Variants in BEAN1 observed in about 807,000 individuals in gnomAD.
BEAN1 encodes the protein protein BEAN1.
Under a neutral mutation model 17.7 loss-of-function variants are expected in BEAN1, and 17 were observed. The ratio of observed to expected loss-of-function variants is 0.96; its 90% CI spans 0.66 to 1.44. The LOEUF (loss-of-function observed/expected upper bound fraction) is 1.44, where lower values mean the gene tolerates loss of function less well. Ranked by LOEUF, BEAN1 falls within the 40% of genes most tolerant of loss-of-function variation. The pLI is 0.00. For missense variants in BEAN1, 359 were observed against 374.1 expected, an observed-to-expected ratio of 0.96 and a Z score of 0.33; for synonymous variants, 142 against 151.8, an observed-to-expected ratio of 0.94 and a Z score of 0.47.
intron 4 of BEAN1, among the ~76,000 whole-genome samples, chr16:66,488,340 ATG>A (rs1230332558): frequency 2.0e-5 from 3 of 152,060 alleles, no homozygotes; most frequent in African/African-American, 7.3e-5. Context: ...GGGTCGAAGA[ATG>A]AGAGAAAAAG....
At chr16:66,488,033 G>T (rs1964113095) in intron 4 of BEAN1, among the ~76,000 whole-genome samples, 1 of 152,216 alleles carries the variant, frequency 6.6e-6, no homozygotes, top group Admixed American at 6.5e-5. Flanking sequence ...GAGAGGGCAG[G>T]GAAGGGGTGA....
intron 1 of BEAN1, among the ~76,000 whole-genome samples, chr16:66,429,957 G>A (rs1233081671): frequency 6.6e-6 from 1 of 152,190 alleles, no homozygotes; most frequent in African/African-American, 2.4e-5. Flanking sequence ...GTACTCAGAG[G>A]ATAGGGTGAG....
Position 66,473,166 on chromosome 16 carries a change from G to A in BEAN1, c.289+3301G>A, listed in dbSNP as rs1963549847. The stretch of plus-strand genomic sequence containing the variant: ...GGTTGGCCTTGGCGCAGAGGAAAGA[G>A]ATGGGCTTAGGGGCAGGCCAGCCCC... On this transcript the variant is annotated intron_variant, in intron 3 of 4. Transcript: ENST00000536005. This position sits in a 1 kb window ranked among gnomAD's most constrained non-coding sequence, Gnocchi z 4.5. Among the ~76,000 whole-genome samples, 1 of 152,216 alleles carries A rather than the reference G, an allele frequency of 6.6e-6. No homozygotes were observed. Among genetic ancestry groups the A allele is most frequent in the South Asian group, 2.1e-4 (1 of 4,836 alleles).
chr16:66,474,825 T>C (rs1963670707), intron 3 of BEAN1, among the ~76,000 whole-genome samples: 1 of 152,138 alleles, frequency 6.6e-6, no homozygotes, highest in Non-Finnish European at 1.5e-5. Context: ...TCTTGAGCTT[T>C]AAGAGAGATC....
At position 66,473,482 on chromosome 16, in the gene BEAN1, C is replaced by A. The variant is rs1014727070; in HGVS notation, c.289+3617C>A. On this transcript the variant is annotated intron_variant, in intron 3 of 4. Coordinates refer to ENST00000536005, the MANE Select transcript of BEAN1 (RefSeq NM_001178020.3). The surrounding 1 kb of genome is among the most constrained non-coding windows in gnomAD (Gnocchi z 4.5). ...GAGGATGCGCAGGGGCTGCCGGGAG[C>A]CTTGGGAGGGTGCCAGGGAAGAGGG... 7.2e-5 allele frequency among the ~76,000 whole-genome samples: 11 copies of A among 152,094 alleles called. No homozygotes were observed. Among genetic ancestry groups the A allele is most frequent in the African/African-American group, 2.7e-4 (11 of 41,398 alleles).
downstream of BEAN1, among the ~76,000 whole-genome samples, chr16:66,487,616 C>A (rs1424652990): frequency 6.6e-6 from 1 of 152,166 alleles, no homozygotes; most frequent in African/African-American, 2.4e-5. Flanking sequence ...AGGCACATGA[C>A]TCAGGCTCAG....
At chr16:66,488,764 C>T (rs1052001830) in intron 4 of BEAN1, among the ~76,000 whole-genome samples, 2 of 151,878 alleles carry the variant, frequency 1.3e-5, no homozygotes, top group African/African-American at 4.8e-5. Flanking sequence ...GAGGAAGGGG[C>T]CCTGAGCCAA....
chr16:66,470,019 G>A (rs773636624), intron 3 of BEAN1, 154 bp downstream of exon 3: 78 of 1,066,464 alleles, frequency 7.3e-5, no homozygotes, highest in East Asian at 2.9e-4. Flanking sequence ...GCTCACAGGC[G>A]CCCACCATAA....
Position 66,482,795 on chromosome 16 carries a change from C to T in BEAN1, c.*1870C>T, listed in dbSNP as rs892107023. 1 of 445,894 alleles carries T rather than the reference C, an allele frequency of 2.2e-6. No homozygotes were observed. The allele number at this position is 445,894 out of a possible 1,614,324, so 27.6% of individuals were successfully genotyped here. ...ATCTTTTCTGTGTTCAAAATAAATACATAATATCAATAAAATGTAGCAAGA... is the reference window on the plus strand; with the variant it reads ...ATCTTTTCTGTGTTCAAAATAAATATATAATATCAATAAAATGTAGCAAGA... On this transcript the variant is annotated 3_prime_UTR_variant, in exon 5 of 5. Coordinates refer to ENST00000536005, the MANE Select transcript of BEAN1 (RefSeq NM_001178020.3).
intron 2 of BEAN1, among the ~76,000 whole-genome samples, chr16:66,463,709 C>T (rs1228516696): frequency 6.6e-6 from 1 of 152,104 alleles, no homozygotes; most frequent in Non-Finnish European, 1.5e-5. Context: ...TTGCCAAATC[C>T]AAAATCATGA....
chr16:66,459,140 G>C (rs1447300501), intron 2 of BEAN1, among the ~76,000 whole-genome samples: 2 of 152,198 alleles, frequency 1.3e-5, no homozygotes, highest in East Asian at 1.9e-4. Context: ...CGTGGGCTCA[G>C]CTTCCTCTAG....
intron 3 of BEAN1, among the ~76,000 whole-genome samples, chr16:66,474,612 G>GGAAGGGAGGGAA (rs1963645441): frequency 5.1e-5 from 1 of 19,706 alleles, no homozygotes; most frequent in African/African-American, 1.4e-4. Flanking sequence ...GAGAGAGGGA[G>GGAAGGGAGGGAA]GGAGGAAGGG....
chr16:66,447,962 G>A (rs1226745536), intron 2 of BEAN1, among the ~76,000 whole-genome samples: 1 of 152,218 alleles, frequency 6.6e-6, no homozygotes, highest in African/African-American at 2.4e-5. Flanking sequence ...TCTGTTCTCA[G>A]TGAAGATGCA....
chr16:66,447,801 C>A (rs1962510635), intron 2 of BEAN1, among the ~76,000 whole-genome samples: 1 of 152,216 alleles, frequency 6.6e-6, no homozygotes, highest in African/African-American at 2.4e-5. Flanking sequence ...CTAACTGTCT[C>A]ACACTACAGA....
At chr16:66,494,007 C>T (rs896000463), downstream of BEAN1, among the ~76,000 whole-genome samples, 38 of 152,222 alleles carry the variant, frequency 2.5e-4, no homozygotes, top group African/African-American at 7.2e-4. Context: ...CCCAGGCTCC[C>T]CTGCATGGAT....
At chr16:66,443,956 A>G (rs1194931245) in intron 2 of BEAN1, among the ~76,000 whole-genome samples, 1 of 152,190 alleles carries the variant, frequency 6.6e-6, no homozygotes, top group East Asian at 1.9e-4. Context: ...GATTACAGGC[A>G]TGAGCCACTG....
At chr16:66,440,628 G>A (rs572365014) in intron 2 of BEAN1, among the ~76,000 whole-genome samples, 2 of 152,168 alleles carry the variant, frequency 1.3e-5, no homozygotes, top group Non-Finnish European at 2.9e-5. Flanking sequence ...TGCAGCCCCC[G>A]CCCTTCTCGC....
At chr16:66,452,075 C>G (rs1962691920) in intron 2 of BEAN1, among the ~76,000 whole-genome samples, 1 of 152,150 alleles carries the variant, frequency 6.6e-6, no homozygotes. Context: ...TTTTTGGAAT[C>G]CACATGCCAT....
In BEAN1 at chr16:66,477,678, G is replaced by A; in HGVS notation, c.408G>A (p.Val136=). 1 of 1,550,196 alleles carries A rather than the reference G, an allele frequency of 6.5e-7. No homozygotes were observed. Among genetic ancestry groups the A allele is most frequent in the Non-Finnish European group, 8.7e-7 (1 of 1,146,332 alleles). Residue 136 remains valine (V), a synonymous_variant, in exon 4 of 5, where the codon GTG becomes GTA. Coordinates refer to ENST00000536005, the MANE Select transcript of BEAN1 (RefSeq NM_001178020.3). ...CTGACGGGGACGTGGATGCCACGGTGCTCAGGGAGCTGTACCCAGATTCTC... is the reference window on the plus strand; with the variant it reads ...CTGACGGGGACGTGGATGCCACGGTACTCAGGGAGCTGTACCCAGATTCTC... The part of the protein sequence containing the change: ...ISSDGDVDAT[V]LRELYPDSPP...
Sources: allele counts gnomAD v4.1 joint callset (sites outside exome capture counted in the v4.1 genomes callset), GRCh38; gene constraint gnomAD v4.1.1; non-coding constraint Gnocchi (gnomAD v3.1); transcripts MANE v1.5; gene names NCBI Gene and HGNC (gene_info 2026-07-23, HGNC 2026-07-21).